The following UBL3 variants were observed in gnomAD, a reference collection of about 807,000 sequenced individuals.
The protein encoded by UBL3 is ubiquitin like 3, also known as ubiquitin-like protein 3.
UBL3 carries 6 observed loss-of-function variants against 18.4 expected under a neutral mutation model. The observed-to-expected ratio is 0.33, with a 90% CI of 0.18 to 0.64. The LOEUF is 0.64. Ranked by LOEUF, UBL3 falls within the 30% of genes least tolerant of loss-of-function variation. UBL3 has a pLI of 0.76. For missense variants in UBL3, 109 were observed against 142.9 expected (o/e 0.76, Z 1.21); for synonymous variants, 49 against 46.6 (o/e 1.05, Z -0.21).
chr13:29,779,465 T>C (rs1001315353), intron 1 of UBL3, among the ~76,000 whole-genome samples: 2 of 152,212 alleles, frequency 1.3e-5, no homozygotes, highest in African/African-American at 4.8e-5. Context: ...TCTTAAAATT[T>C]TTTAAGCTTA....
intron 1 of UBL3, among the ~76,000 whole-genome samples, chr13:29,808,231 G>C (rs767832746): frequency 6.6e-6 from 1 of 152,044 alleles, no homozygotes; most frequent in Non-Finnish European, 1.5e-5. Context: ...AGTTAATTTT[G>C]TATCAAATTT....
intron 1 of UBL3, among the ~76,000 whole-genome samples, chr13:29,788,172 T>C (rs1877376295): frequency 6.6e-6 from 1 of 152,210 alleles, no homozygotes; most frequent in Admixed American, 6.5e-5. Context: ...CCAGGTATGA[T>C]ACAGGATAAA....
chr13:29,788,130 TTCTC>T (rs1439040913), intron 1 of UBL3, among the ~76,000 whole-genome samples: 5 of 152,184 alleles, frequency 3.3e-5, no homozygotes, highest in African/African-American at 9.7e-5. Flanking sequence ...GTACTTTCTC[TTCTC>T]TCTAACCATC....
chr13:29,772,023 T>C lies in UBL3; in HGVS notation c.223+89A>G, dbSNP rs1024096458. On this transcript the variant is annotated intron_variant, in intron 3 of 4. Transcript: ENST00000380680. ...CATAGTTTGAATTTATCATTTTTTT[T>C]AGCAAATTCAAAGACATTAACATTT... is the stretch of plus-strand genomic sequence containing the variant. 3 of 1,122,196 alleles carry C rather than the reference T, an allele frequency of 2.7e-6. No homozygotes were observed. In the African/African-American group the frequency reaches 4.7e-5, roughly 18 times the overall value. 69.5% of individuals were successfully genotyped at this position (1,122,196 alleles called of 1,614,324 possible).
intron 1 of UBL3, among the ~76,000 whole-genome samples, chr13:29,814,633 C>G (rs1424813788): frequency 6.6e-6 from 1 of 152,042 alleles, no homozygotes; most frequent in Non-Finnish European, 1.5e-5. Flanking sequence ...GAATAAGATG[C>G]CCATGTGCCA....
intron 1 of UBL3, among the ~76,000 whole-genome samples, chr13:29,784,495 T>C (rs1732665460): frequency 6.6e-6 from 1 of 152,124 alleles, no homozygotes; most frequent in African/African-American, 2.4e-5. Flanking sequence ...CATTCCTGCC[T>C]TCTTTGCTAA....
At chr13:29,776,682 C>A (rs1290953459) in intron 2 of UBL3, among the ~76,000 whole-genome samples, 3 of 151,732 alleles carry the variant, frequency 2.0e-5, no homozygotes, top group Non-Finnish European at 4.4e-5. Context: ...ACCATCCTGG[C>A]CGACATGGTG....
intron 1 of UBL3, among the ~76,000 whole-genome samples, chr13:29,780,371 T>A (rs372891710): frequency 0.024 from 1,421 of 58,672 alleles, 21 homozygotes; most frequent in African/African-American, 0.046. Flanking sequence ...AAAAAAAATA[T>A]ATATATATAT....
chr13:29,811,280 T>C (rs1878073665), intron 1 of UBL3, among the ~76,000 whole-genome samples: 2 of 152,142 alleles, frequency 1.3e-5, no homozygotes, highest in South Asian at 4.1e-4. Flanking sequence ...TCTTTACTTA[T>C]TTTAATCTAC....
At chr13:29,847,684 T>TTAAC (rs1593680918) in intron 1 of UBL3, among the ~76,000 whole-genome samples, 1 of 152,272 alleles carries the variant, frequency 6.6e-6, no homozygotes, top group East Asian at 1.9e-4. Flanking sequence ...GTACTTAAGG[T>TTAAC]TAACCTATTT....
At chr13:29,771,887 A>C (rs1386355133) in intron 3 of UBL3, among the ~76,000 whole-genome samples, 3 of 152,076 alleles carry the variant, frequency 2.0e-5, no homozygotes, top group Non-Finnish European at 2.9e-5. Flanking sequence ...TCCTACCTAT[A>C]CTGGGATAGA....
At chr13:29,833,560 A>T (rs776009301) in intron 1 of UBL3, among the ~76,000 whole-genome samples, 1 of 152,186 alleles carries the variant, frequency 6.6e-6, no homozygotes, top group Non-Finnish European at 1.5e-5. Context: ...TGCCTACAAT[A>T]TAATTCCCTA....
chr13:29,831,329 C>CCTA (rs775414841), intron 1 of UBL3, among the ~76,000 whole-genome samples: 16 of 152,230 alleles, frequency 1.1e-4, no homozygotes, highest in Non-Finnish European at 1.8e-4. Context: ...GTGGCTCACG[C>CCTA]CTGTAATCCC....
chr13:29,823,118 T>C (rs577704403), intron 1 of UBL3, among the ~76,000 whole-genome samples: 22 of 152,354 alleles, frequency 1.4e-4, no homozygotes, highest in African/African-American at 5.3e-4. Flanking sequence ...GAAAGAATAA[T>C]AAACCAAATA....
At chr13:29,769,184 G>C (rs1009467219) in intron 3 of UBL3, among the ~76,000 whole-genome samples, 3 of 152,000 alleles carry the variant, frequency 2.0e-5, no homozygotes, top group East Asian at 3.9e-4. Context: ...AGATAGCAAG[G>C]AAAATGAATC....
chr13:29,840,992 T>G (rs576179290), intron 1 of UBL3, among the ~76,000 whole-genome samples: 75 of 152,132 alleles, frequency 4.9e-4, no homozygotes, highest in Non-Finnish European at 9.4e-4. Context: ...ACAATGAGAA[T>G]AGCAGGATAC....
intron 1 of UBL3, among the ~76,000 whole-genome samples, chr13:29,832,333 C>CTTTTTT (rs34577519): frequency 7.1e-6 from 1 of 140,940 alleles, no homozygotes; most frequent in African/African-American, 2.6e-5. Context: ...TACCTAATTT[C>CTTTTTT]TTTTTTTTTT....
intron 1 of UBL3, among the ~76,000 whole-genome samples, chr13:29,824,488 T>C (rs886240224): frequency 5.3e-5 from 8 of 152,256 alleles, no homozygotes; most frequent in East Asian, 3.8e-4. Flanking sequence ...CACGTGCCCA[T>C]TGGCTGCATA....
At chr13:29,809,977 T>C (rs927420614) in intron 1 of UBL3, among the ~76,000 whole-genome samples, 2 of 152,174 alleles carry the variant, frequency 1.3e-5, no homozygotes, top group African/African-American at 4.8e-5. Context: ...TTTTTGAAAC[T>C]TTGTGAAATT....
Sources: allele counts gnomAD v4.1 joint callset (sites outside exome capture counted in the v4.1 genomes callset), GRCh38; gene constraint gnomAD v4.1.1; transcripts MANE v1.5; gene names NCBI Gene and HGNC (gene_info 2026-07-23, HGNC 2026-07-21).